DMRT1: variants seen among roughly 807,000 people sequenced by gnomAD.
The protein encoded by DMRT1 is doublesex and mab-3 related transcription factor 1, also known as doublesex- and mab-3-related transcription factor 1.
In DMRT1, 7 loss-of-function variants were observed where a neutral mutation model predicts 32.3. The ratio of observed to expected loss-of-function variants is 0.22; its 90% CI spans 0.12 to 0.41. The LOEUF (loss-of-function observed/expected upper bound fraction) is 0.41. Ranked by LOEUF, DMRT1 falls within the 10% of genes least tolerant of loss-of-function variation. The probability of loss-of-function intolerance (pLI) is 1.00; values close to 1 mark genes in which losing one functional copy is unlikely to be tolerated. For synonymous variants in DMRT1, 278 were observed against 206.1 expected, an observed-to-expected ratio of 1.35 and a Z score of -2.99; for missense variants, 625 against 500.5, an observed-to-expected ratio of 1.25 and a Z score of -2.37.
rs1586675361 is a variant in DMRT1 at position 967,915 on chromosome 9, T to C, written c.968-70T>C. On this transcript the variant is annotated intron_variant, in intron 4 of 4. Transcript: ENST00000382276. ...GTAACCTAATTGAATAATGAATGTA[T>C]AAAGACCAGCCACTTTTAACATTAC... 18 of 1,444,096 alleles carry C rather than the reference T, an allele frequency of 1.2e-5. No homozygotes were observed. In the East Asian group the frequency reaches 4.1e-4, roughly 33 times the overall value. The allele number at this position is 1,444,096 out of a possible 1,614,324, so 89.5% of individuals were successfully genotyped here. A position where few individuals can be genotyped will look rare whatever the true frequency, so the allele number is the denominator to read the frequency against.
intron 2 of DMRT1, among the ~76,000 whole-genome samples, chr9:866,048 C>T (rs1388101311): frequency 6.6e-6 from 1 of 150,702 alleles, no homozygotes; most frequent in Admixed American, 6.7e-5. Context: ...CCTGTAATCC[C>T]AGCTGCTCAG....
chr9:862,098 G>T (rs373201971), intron 2 of DMRT1, among the ~76,000 whole-genome samples: 1 of 100,514 alleles, frequency 9.9e-6, no homozygotes, highest in Non-Finnish European at 2.3e-5. Flanking sequence ...CCTAGACGGG[G>T]TGGCGGCTGG....
chr9:845,469 A>C (rs1244939523), intron 1 of DMRT1, among the ~76,000 whole-genome samples: 2 of 152,154 alleles, frequency 1.3e-5, no homozygotes, highest in Non-Finnish European at 2.9e-5. Flanking sequence ...CAGCATCGCA[A>C]AGTGATGGGA....
Position 864,890 on chromosome 9 carries a change from C to T in DMRT1, c.538+17747C>T, listed in dbSNP as rs556234950. Among the ~76,000 whole-genome samples, 55 of 152,126 alleles carry T rather than the reference C, an allele frequency of 3.6e-4. 1 individual carries two copies. Among genetic ancestry groups the T allele is most frequent in the South Asian group, 3.5e-3 (17 of 4,820 alleles). ...GCCAAAAGCTTCGACTAAACCATTT[C>T]ATAGTTATGGTTTGGAAGTTTTACA... On this transcript the variant is annotated intron_variant, in intron 2 of 4. Transcript: ENST00000382276.
rs115262920 is a variant in DMRT1, at chr9:931,425, G to A, written c.967+14518G>A. 7.2e-3 allele frequency among the ~76,000 whole-genome samples: 1,098 copies of A among 152,324 alleles called. 16 individuals are homozygous for A. The highest frequency in any genetic ancestry group is 0.025 in the African/African-American group (1,051 of 41,562). ...GAGGAATGTGGTGCATATGGACATTGAGCAGTCCAGGCTGTGTTATTTTCC... is the reference window on the plus strand; with the variant it reads ...GAGGAATGTGGTGCATATGGACATTAAGCAGTCCAGGCTGTGTTATTTTCC... On this transcript the variant is annotated intron_variant, in intron 4 of 4. Transcript: ENST00000382276.
In DMRT1 at chr9:847,124, C is replaced by A; in HGVS notation, c.519C>A (p.Val173=). 1 of 1,613,120 alleles carries A rather than the reference C, an allele frequency of 6.2e-7. No homozygotes were observed. Among genetic ancestry groups the A allele is most frequent in the Non-Finnish European group, 8.5e-7 (1 of 1,179,968 alleles). ...SGTSQPPPAS[V]PTTAASEGRM... ...CCTCTCAGCCACCGCCGGCCAGTGT[C>A]CCCACCACTGCAGCTTCAGGTAATC... Residue 173 remains valine (V), a synonymous_variant, in exon 2 of 5, where the codon GTC becomes GTA. Transcript: ENST00000382276.
chr9:910,696 G>C (rs1207902579), intron 3 of DMRT1, among the ~76,000 whole-genome samples: 1 of 151,996 alleles, frequency 6.6e-6, no homozygotes, highest in African/African-American at 2.4e-5. Context: ...TGGGTTGCCT[G>C]CAAAGTTAAT....
At chr9:966,105 C>T (rs1042231018) in intron 4 of DMRT1, among the ~76,000 whole-genome samples, 28 of 152,214 alleles carry the variant, frequency 1.8e-4, no homozygotes, top group African/African-American at 6.0e-4. Flanking sequence ...CAGTCTGCTG[C>T]CTTTGGAAAA....
chr9:868,789 G>A (rs986297688), intron 2 of DMRT1, among the ~76,000 whole-genome samples: 1 of 152,194 alleles, frequency 6.6e-6, no homozygotes, highest in Non-Finnish European at 1.5e-5. Flanking sequence ...GCAGGTAGAT[G>A]GCTTGAGCCC....
chr9:902,387 A>G (rs1427808016), intron 3 of DMRT1, among the ~76,000 whole-genome samples: 5 of 151,698 alleles, frequency 3.3e-5, no homozygotes, highest in Admixed American at 3.3e-4. Context: ...TCCTTGTGAC[A>G]ACAGTGAAGT....
intron 3 of DMRT1, among the ~76,000 whole-genome samples, chr9:911,910 T>C (rs926633735): frequency 1.1e-4 from 16 of 152,216 alleles, no homozygotes; most frequent in African/African-American, 3.9e-4. Context: ...GTGGATTCTT[T>C]GAGGTGGATG....
chr9:916,870 T>C lies in DMRT1; in HGVS notation c.930T>C (p.Phe310=). Residue 310 remains phenylalanine, a synonymous_variant, in exon 4 of 5, where the codon TTT becomes TTC. Coordinates refer to ENST00000382276, the MANE Select transcript of DMRT1 (RefSeq NM_021951.3). ...AGAGCGTGCCCCAGTTCTTCACTTT[T>C]GAGGATGCTCCCTCTTACCCGGAAG... ...LGQSVPQFFT[F]EDAPSYPEAR... is the part of the protein sequence containing the mutation. 1 of 1,614,210 alleles carries C rather than the reference T, an allele frequency of 6.2e-7. No homozygotes were observed. The highest frequency in any genetic ancestry group is 8.5e-7 in the Non-Finnish European group (1 of 1,180,028).
chr9:892,204 T>C (rs182016617), intron 2 of DMRT1, among the ~76,000 whole-genome samples: 1 of 152,340 alleles, frequency 6.6e-6, no homozygotes, highest in East Asian at 1.9e-4. Context: ...CTGCTTGCTC[T>C]GTGATTCAAG....
chr9:904,717 G>A (rs1190164880), intron 3 of DMRT1, among the ~76,000 whole-genome samples: 1 of 152,216 alleles, frequency 6.6e-6, no homozygotes, highest in Admixed American at 6.5e-5. Context: ...GGCCGAGGCA[G>A]GTGGATCACC....
At chr9:876,518 C>T (rs1371679910) in intron 2 of DMRT1, among the ~76,000 whole-genome samples, 4 of 140,180 alleles carry the variant, frequency 2.9e-5, no homozygotes, top group African/African-American at 1.1e-4. Context: ...GTTGACTCCT[C>T]GTCAATAGGC....
At chr9:908,829 T>C (rs1215277527) in intron 3 of DMRT1, among the ~76,000 whole-genome samples, 1 of 152,118 alleles carries the variant, frequency 6.6e-6, no homozygotes, top group Non-Finnish European at 1.5e-5. Flanking sequence ...CCTCCCCCGT[T>C]TTCCCCTCCC....
At chr9:954,951 A>G (rs1819550440) in intron 4 of DMRT1, among the ~76,000 whole-genome samples, 1 of 152,148 alleles carries the variant, frequency 6.6e-6, no homozygotes, top group Non-Finnish European at 1.5e-5. Context: ...TTCGTTAGCT[A>G]TTTAAAATAC....
intron 3 of DMRT1, 96 bp from the exon 4 acceptor site, chr9:916,667 C>A: frequency 6.8e-7 from 1 of 1,479,890 alleles, no homozygotes; most frequent in Non-Finnish European, 9.4e-7. Flanking sequence ...CCACTGTGCC[C>A]AGCCTGTTAC....
At chr9:952,084 T>A (rs1206918495) in intron 4 of DMRT1, among the ~76,000 whole-genome samples, 2 of 150,792 alleles carry the variant, frequency 1.3e-5, no homozygotes, top group South Asian at 4.1e-4. Context: ...CAGGGTCCCA[T>A]AACTAGTAAG....
Sources: gnomAD v4.1 joint callset for allele counts (sites outside exome capture counted in the v4.1 genomes callset) on GRCh38, gnomAD v4.1.1 for gene constraint, MANE v1.5 for transcripts, NCBI Gene and HGNC (gene_info 2026-07-23, HGNC 2026-07-21) for gene names.